NAALADL2: variants seen among roughly 807,000 people sequenced by gnomAD.
NAALADL2 encodes inactive N-acetylated-alpha-linked acidic dipeptidase-like protein 2.
NAALADL2 carries 76 observed loss-of-function variants against 87.2 expected under a neutral mutation model. That is an observed-to-expected ratio of 0.87 (90% CI 0.72 to 1.05). NAALADL2 has a LOEUF of 1.05. NAALADL2 is among the 50% of genes least tolerant of loss of function. The pLI is 0.00. For synonymous variants in NAALADL2, 354 were observed against 331.0 expected (o/e 1.07, Z -0.75); for missense variants, 1,089 against 945.8 (o/e 1.15, Z -1.99).
chr3:175,546,668 T>C (rs1442728986), intron 9 of NAALADL2, among the ~76,000 whole-genome samples: 1 of 152,154 alleles, frequency 6.6e-6, no homozygotes, highest in Non-Finnish European at 1.5e-5. Context: ...AGATAAATTC[T>C]GGGTTGGAAA....
intron 1 of NAALADL2, among the ~76,000 whole-genome samples, chr3:174,482,341 A>T (rs1010384835): frequency 6.6e-6 from 1 of 151,980 alleles, no homozygotes; most frequent in African/African-American, 2.4e-5. Context: ...GAAAAAGGTG[A>T]ATTCTGCTCT....
intron 2 of NAALADL2, among the ~76,000 whole-genome samples, chr3:174,573,124 T>A (rs1715127233): frequency 6.6e-6 from 1 of 152,178 alleles, no homozygotes; most frequent in African/African-American, 2.4e-5. Context: ...CTTAAAAAGT[T>A]AGATTCAATT....
Position 175,244,694 on chromosome 3 carries a change from G to A in NAALADL2, c.819+10490G>A, listed in dbSNP as rs1324730545. On this transcript the variant is annotated intron_variant, in intron 3 of 13. Coordinates refer to ENST00000454872, the MANE Select transcript of NAALADL2 (RefSeq NM_207015.3). ...TTGGTACAGTTCCTCATTCCTTCAA[G>A]GACTATGTACTTACTGCCGTCTAAA... 2.0e-5 allele frequency among the ~76,000 whole-genome samples: 3 copies of A among 152,066 alleles called. No individual in the cohort carries two copies. In the East Asian group the frequency reaches 5.8e-4, roughly 29 times the overall value.
chr3:174,580,246 G>T lies in NAALADL2; in HGVS notation c.-115+29609G>T, dbSNP rs115075912. Among the ~76,000 whole-genome samples the T allele has an allele frequency of 7.3e-3, 1,110 of 152,050 alleles. 13 individuals are homozygous for T. The highest frequency in any genetic ancestry group is 0.025 in the African/African-American group (1,055 of 41,528). On this transcript the variant is annotated intron_variant, in intron 2 of 3. Coordinates refer to the NAALADL2 transcript ENST00000434257. ...TGGTAACAAAAAGTTACACACTTTT[G>T]AACATTTGTACGTTTTTTCATGTGG...
intron 3 of NAALADL2, among the ~76,000 whole-genome samples, chr3:174,762,730 T>C (rs902186290): frequency 6.6e-6 from 1 of 152,114 alleles, no homozygotes; most frequent in African/African-American, 2.4e-5. Context: ...GCTTCTAGCA[T>C]ACTAAAACTT....
intron 1 of NAALADL2, among the ~76,000 whole-genome samples, chr3:174,542,107 G>A (rs7637294): frequency 0.018 from 2,761 of 152,284 alleles, 83 homozygotes; most frequent in African/African-American, 0.062. Context: ...AGGTGTTGCC[G>A]TGGCATTTGT....
At chr3:175,199,807 A>AG (rs1228410984) in intron 2 of NAALADL2, among the ~76,000 whole-genome samples, 1 of 94,412 alleles carries the variant, frequency 1.1e-5, no homozygotes, top group Non-Finnish European at 2.1e-5. Context: ...TTCTTTGTGT[A>AG]GGGGGGAAAG....
chr3:175,259,006 T>C (rs16825219), intron 4 of NAALADL2, among the ~76,000 whole-genome samples: 40,398 of 151,980 alleles, frequency 0.27, 6,597 homozygotes, highest in South Asian at 0.49. Context: ...GGTGACTCAT[T>C]AGGCAGTGAC....
intron 1 of NAALADL2, among the ~76,000 whole-genome samples, chr3:174,482,884 C>G (rs1717644878): frequency 6.6e-6 from 1 of 152,024 alleles, no homozygotes; most frequent in African/African-American, 2.4e-5. Context: ...ATAAGATAAG[C>G]TTTGTGTTAT....
At chr3:175,760,109 G>C (rs903961190) in intron 13 of NAALADL2, among the ~76,000 whole-genome samples, 1 of 152,112 alleles carries the variant, frequency 6.6e-6, no homozygotes, top group Non-Finnish European at 1.5e-5. Context: ...AATTTAGGAC[G>C]TGATATTTAG....
chr3:175,362,343 A>G (rs183475499), intron 5 of NAALADL2, among the ~76,000 whole-genome samples: 3,124 of 147,272 alleles, frequency 0.021, 279 homozygotes, highest in African/African-American at 0.072. Context: ...TTGTCTTGGC[A>G]ATGCGGGCTC....
At chr3:175,033,511 G>A (rs942390415) in intron 1 of NAALADL2, among the ~76,000 whole-genome samples, 10 of 152,106 alleles carry the variant, frequency 6.6e-5, no homozygotes, top group Admixed American at 4.6e-4. Context: ...TTCCCGGTAT[G>A]TGTCAGTGAA....
intron 9 of NAALADL2, among the ~76,000 whole-genome samples, chr3:175,566,543 A>G (rs1225472488): frequency 6.6e-6 from 1 of 152,122 alleles, no homozygotes; most frequent in Non-Finnish European, 1.5e-5. Flanking sequence ...ATATGTGTGC[A>G]ATCTAACTTA....
At chr3:175,377,436 T>G (rs931186605) in intron 5 of NAALADL2, among the ~76,000 whole-genome samples, 1 of 152,230 alleles carries the variant, frequency 6.6e-6, no homozygotes, top group African/African-American at 2.4e-5. Flanking sequence ...TTACTTGTTT[T>G]TGCTTCTTCA....
rs376714604 is a variant in NAALADL2, at chr3:175,162,649, A to G, written c.545+65358A>G. 4.5e-4 allele frequency among the ~76,000 whole-genome samples: 69 copies of G among 152,280 alleles called. 1 individual carries two copies. Among genetic ancestry groups the G allele is most frequent in the Non-Finnish European group, 1.3e-4 (9 of 68,002 alleles). On this transcript the variant is annotated intron_variant, in intron 2 of 13. Transcript: ENST00000454872. ...ACTCTCTAAATGATTCTTGCCAGGA[A>G]CCAGCACTCATGGAGAAAGTTAATA...
intron 10 of NAALADL2, among the ~76,000 whole-genome samples, chr3:175,583,741 C>A (rs1720133359): frequency 1.3e-5 from 2 of 152,178 alleles, no homozygotes; most frequent in African/African-American, 4.8e-5. Flanking sequence ...TGTGCACTCA[C>A]AGGTTTTTAA....
chr3:174,587,450 G>A (rs1716852845), intron 2 of NAALADL2, among the ~76,000 whole-genome samples: 1 of 152,116 alleles, frequency 6.6e-6, no homozygotes, highest in Admixed American at 6.5e-5. Context: ...CTCATTAGTT[G>A]ATGCAGTTTC....
At chr3:174,541,031 G>A (rs1722177704) in intron 1 of NAALADL2, among the ~76,000 whole-genome samples, 1 of 152,116 alleles carries the variant, frequency 6.6e-6, no homozygotes, top group Non-Finnish European at 1.5e-5. Flanking sequence ...AGATCTACTG[G>A]AAGTAAGGTT....
chr3:174,594,299 G>A (rs1221543608), intron 2 of NAALADL2, among the ~76,000 whole-genome samples: 1 of 152,088 alleles, frequency 6.6e-6, no homozygotes, highest in Non-Finnish European at 1.5e-5. Context: ...TTTAAATCCT[G>A]TCTTCATAGC....
Sources: gnomAD v4.1 joint callset for allele counts (sites outside exome capture counted in the v4.1 genomes callset) on GRCh38, gnomAD v4.1.1 for gene constraint, MANE v1.5 for transcripts, NCBI Gene and HGNC (gene_info 2026-07-23, HGNC 2026-07-21) for gene names.